RNF38: variants seen among roughly 807,000 people sequenced by gnomAD.
RNF38 encodes the protein ring finger protein 38.
A neutral mutation model predicts 67.2 loss-of-function variants in RNF38; 15 were observed. The ratio of observed to expected loss-of-function variants is 0.22; its 90% CI spans 0.15 to 0.34. The LOEUF (loss-of-function observed/expected upper bound fraction) is 0.34, where lower values mean the gene tolerates loss of function less well. Ranked by LOEUF, RNF38 falls within the 10% of genes least tolerant of loss-of-function variation. RNF38 has a pLI of 1.00. For missense variants in RNF38, 524 were observed against 639.9 expected (o/e 0.82, Z 1.95); for synonymous variants, 220 against 218.8 (o/e 1.01, Z -0.05).
chr9:36,436,932 T>C (rs1839083938), intron 1 of RNF38, among the ~76,000 whole-genome samples: 2 of 152,238 alleles, frequency 1.3e-5, no homozygotes, highest in Admixed American at 1.3e-4. Flanking sequence ...AAAGCTGTTT[T>C]CTGACTTCCT....
intron 1 of RNF38, among the ~76,000 whole-genome samples, chr9:36,426,504 T>C (rs1037229811): frequency 3.9e-5 from 6 of 152,236 alleles, no homozygotes; most frequent in Non-Finnish European, 8.8e-5. Context: ...AATCCATTCC[T>C]TTCTATGGCT....
At chr9:36,379,855 A>G (rs1482542994) in intron 2 of RNF38, among the ~76,000 whole-genome samples, 1 of 152,240 alleles carries the variant, frequency 6.6e-6, no homozygotes, top group African/African-American at 2.4e-5. Context: ...TCAGTCCAGG[A>G]AAGTCAATGA....
At chr9:36,390,719 C>A (rs1837015656) in intron 1 of RNF38, 103 bp from the exon 2 acceptor site, 3 of 1,166,050 alleles carry the variant, frequency 2.6e-6, no homozygotes, top group Admixed American at 4.6e-5. Context: ...TTTGATGATT[C>A]TGCTAGCGAA....
At chr9:36,391,793 T>G (rs1407506540) in intron 1 of RNF38, among the ~76,000 whole-genome samples, 5 of 152,116 alleles carry the variant, frequency 3.3e-5, no homozygotes, top group Non-Finnish European at 7.4e-5. Flanking sequence ...TTTTGTATTT[T>G]TAGTAGAGAC....
At chr9:36,446,477 A>C (rs774082562) in intron 1 of RNF38, among the ~76,000 whole-genome samples, 10 of 152,176 alleles carry the variant, frequency 6.6e-5, no homozygotes, top group Non-Finnish European at 1.0e-4. Flanking sequence ...CTTTTATTAA[A>C]GTACAAATTA....
At chr9:36,370,799 CTGGGAGGCTGAAG>C (rs1835319116) in intron 3 of RNF38, among the ~76,000 whole-genome samples, 1 of 151,884 alleles carries the variant, frequency 6.6e-6, no homozygotes, top group African/African-American at 2.4e-5. Flanking sequence ...TCCCAGCTAC[CTGGGAGGCTGAAG>C]TGGGAGAATC....
At chr9:36,343,586 T>TA (rs961296158) in intron 10 of RNF38, among the ~76,000 whole-genome samples, 44 of 150,192 alleles carry the variant, frequency 2.9e-4, no homozygotes, top group East Asian at 5.9e-4. Flanking sequence ...CTGGCTATAA[T>TA]AAAAAAAAAT....
At chr9:36,442,314 G>A (rs1188451489) in intron 1 of RNF38, among the ~76,000 whole-genome samples, 1 of 152,048 alleles carries the variant, frequency 6.6e-6, no homozygotes, top group Non-Finnish European at 1.5e-5. Flanking sequence ...TCTCCCCTAT[G>A]AACTTTTAGC....
intron 6 of RNF38, among the ~76,000 whole-genome samples, chr9:36,354,947 CTA>C (rs1314087905): frequency 6.6e-6 from 1 of 152,184 alleles, no homozygotes; most frequent in Non-Finnish European, 1.5e-5. Context: ...CTTGATATGG[CTA>C]TGTGACTGGA....
intron 1 of RNF38, among the ~76,000 whole-genome samples, chr9:36,470,017 G>C (rs190796021): frequency 1.1e-4 from 16 of 152,194 alleles, no homozygotes; most frequent in African/African-American, 3.9e-4. Flanking sequence ...TGCTCAAGAA[G>C]CCAGGATGAG....
At chr9:36,401,305 C>T (rs1402881355), upstream of RNF38, 84 of 788,692 alleles carry the variant, frequency 1.1e-4, no homozygotes, top group Non-Finnish European at 1.2e-4. Flanking sequence ...CCCGCCCCAG[C>T]CCGCCCCCCG....
intron 1 of RNF38, among the ~76,000 whole-genome samples, chr9:36,484,889 G>A (rs1312478789): frequency 1.3e-5 from 2 of 152,142 alleles, no homozygotes; most frequent in Non-Finnish European, 2.9e-5. Context: ...TGTATTGGCC[G>A]GGCGCGGTGG....
chr9:36,473,988 GA>G (rs34189537), intron 1 of RNF38, among the ~76,000 whole-genome samples: 3,635 of 72,708 alleles, frequency 0.05, 54 homozygotes, highest in Non-Finnish European at 0.071. Flanking sequence ...TCCATCTCGG[GA>G]AAAAAAAAAA....
chr9:36,430,863 A>G (rs1838914871), intron 1 of RNF38, among the ~76,000 whole-genome samples: 1 of 152,056 alleles, frequency 6.6e-6, no homozygotes, highest in South Asian at 2.1e-4. Flanking sequence ...AAAAAAATCA[A>G]CATGGCTTTT....
At chr9:36,403,804 C>G (rs947154091), upstream of RNF38, among the ~76,000 whole-genome samples, 4 of 152,304 alleles carry the variant, frequency 2.6e-5, no homozygotes, top group Middle Eastern at 3.4e-3. Flanking sequence ...TGAACAAATT[C>G]AGCCTATTCT....
intron 2 of RNF38, among the ~76,000 whole-genome samples, chr9:36,390,231 A>C (rs1564032669): frequency 6.6e-6 from 1 of 152,240 alleles, no homozygotes; most frequent in Non-Finnish European, 1.5e-5. Context: ...CAAAAGATCA[A>C]AACACAAGAA....
intron 6 of RNF38, among the ~76,000 whole-genome samples, chr9:36,354,392 AG>A (rs1833937984): frequency 6.6e-6 from 1 of 152,152 alleles, no homozygotes; most frequent in African/African-American, 2.4e-5. Context: ...TAGTAGAGAC[AG>A]GGTTTCACCG....
chr9:36,358,006 T>C, intron 4 of RNF38, 64 bp from the exon 5 acceptor site: 3 of 1,406,116 alleles, frequency 2.1e-6, no homozygotes, highest in Non-Finnish European at 3.0e-6. Context: ...CTATTCAAAA[T>C]CAACATTTGG....
chr9:36,389,203 C>T (rs1487186155), intron 2 of RNF38, among the ~76,000 whole-genome samples: 1 of 152,090 alleles, frequency 6.6e-6, no homozygotes, highest in African/African-American at 2.4e-5. Context: ...CATCTTTCTG[C>T]AACACTCAAA....
Sources: allele counts gnomAD v4.1 joint callset (sites outside exome capture counted in the v4.1 genomes callset), GRCh38; gene constraint gnomAD v4.1.1; transcripts MANE v1.5; gene names NCBI Gene and HGNC (gene_info 2026-07-23, HGNC 2026-07-21).